The following POLR2F variants were observed in gnomAD, a reference collection of about 807,000 sequenced individuals.
POLR2F encodes RNA polymerase II, I and III subunit F, also known as DNA-directed RNA polymerases I, II, and III subunit RPABC2.
A neutral mutation model predicts 22.7 loss-of-function variants in POLR2F; 12 were observed. The ratio of observed to expected loss-of-function variants is 0.53; its 90% CI spans 0.34 to 0.86. The LOEUF (loss-of-function observed/expected upper bound fraction) is 0.86, where lower values mean the gene tolerates loss of function less well. POLR2F is among the 40% of genes least tolerant of loss of function. POLR2F has a pLI of 0.02. For synonymous variants in POLR2F, 57 were observed against 66.0 expected (o/e 0.86, Z 0.66); for missense variants, 126 against 171.5 (o/e 0.73, Z 1.48).
chr22:38,024,494 G>C lies in POLR2F; in HGVS notation c.121-1375G>C, dbSNP rs141596871. On this transcript the variant is annotated intron_variant, in intron 1 of 2. Transcript: ENST00000333418. ...AAGTTTTCCTTGGTTTTCGGTCTTA[G>C]GGATCACGGTTTTGTAAGCTACAGC... Among the ~76,000 whole-genome samples the C allele has an allele frequency of 1.2e-4, 19 of 152,228 alleles. 1 individual carries two copies. In the East Asian group the frequency reaches 3.7e-3, roughly 29 times the overall value.
chr22:37,982,545 C>T (rs1932432463), upstream of POLR2F, among the ~76,000 whole-genome samples: 1 of 152,114 alleles, frequency 6.6e-6, no homozygotes, highest in Admixed American at 6.5e-5. Context: ...TCTGAGGGCC[C>T]CTGGGCAGGA....
intron 1 of POLR2F, among the ~76,000 whole-genome samples, chr22:37,993,005 C>G (rs1932753347): frequency 6.6e-6 from 1 of 152,160 alleles, no homozygotes; most frequent in Non-Finnish European, 1.5e-5. Context: ...CTTGTTCATT[C>G]ATACATGTCT....
intron 4 of POLR2F, 52 bp downstream of exon 4, chr22:37,967,222 T>C: frequency 6.2e-7 from 1 of 1,602,966 alleles, no homozygotes; most frequent in Non-Finnish European, 8.5e-7. Context: ...GAGGCATCTG[T>C]TGGGCTCTCT....
At chr22:37,983,793 C>T (rs1237344324), upstream of POLR2F, 5 of 1,427,864 alleles carry the variant, frequency 3.5e-6, no homozygotes, top group Admixed American at 2.5e-5. The surrounding 1 kb of genome is among the most constrained non-coding windows in gnomAD (Gnocchi z 9.5). Context: ...ATGTCGCCCC[C>T]GGCCGCCGCC....
intron 4 of POLR2F, chr22:37,967,396 C>T: frequency 1.4e-6 from 2 of 1,436,068 alleles, no homozygotes. Flanking sequence ...TGGAATTTCC[C>T]TGTTCCTGCT....
chr22:37,990,693 G>A (rs1422941589), intron 1 of POLR2F, among the ~76,000 whole-genome samples: 1 of 152,260 alleles, frequency 6.6e-6, no homozygotes, highest in East Asian at 1.9e-4. Context: ...GACCCCAAGA[G>A]CTGGGGTCAA....
chr22:37,959,129 T>A (rs1931520873), intron 2 of POLR2F, among the ~76,000 whole-genome samples: 2 of 152,200 alleles, frequency 1.3e-5, no homozygotes, highest in Non-Finnish European at 2.9e-5. Context: ...TCAGGTTAGC[T>A]GACTTTCCAA....
At position 37,974,357 on chromosome 22, in the gene POLR2F, GTT is replaced by G. The variant is rs929834035; in HGVS notation, c.293+7198_293+7199del. 1.4e-5 allele frequency among the ~76,000 whole-genome samples: 2 copies of G among 141,776 alleles called. No individual in the cohort carries two copies. Among genetic ancestry groups the G allele is most frequent in the Admixed American group, 7.0e-5 (1 of 14,236 alleles). 93.0% of individuals were successfully genotyped at this position (141,776 alleles called of 152,430 possible). A position where few individuals can be genotyped will look rare whatever the true frequency, so the allele number is the denominator to read the frequency against. ...GGCAGCATGAGTCGGGTTTTTTTTT[GTT>G]TTTTTTTTTTGAGATGGAGTTTCGC... On this transcript the variant is annotated intron_variant, in intron 4 of 4. Transcript: ENST00000405557. The surrounding 1 kb of genome is among the most constrained non-coding windows in gnomAD (Gnocchi z 5.4).
chr22:37,957,342 G>T (rs1235277614), intron 2 of POLR2F, among the ~76,000 whole-genome samples: 4 of 152,192 alleles, frequency 2.6e-5, no homozygotes. Flanking sequence ...AGTGAAAGGT[G>T]AGAGGCCTGT....
chr22:38,035,268 C>G (rs1371190857), intron 5 of POLR2F, among the ~76,000 whole-genome samples: 4 of 152,188 alleles, frequency 2.6e-5, no homozygotes, highest in South Asian at 2.1e-4. Context: ...ACAACAGGCG[C>G]CTCCGAGGCC....
At chr22:37,956,656 A>G (rs1004695899) in intron 1 of POLR2F, 117 bp from the exon 2 acceptor site, 4 of 800,496 alleles carry the variant, frequency 5.0e-6, no homozygotes, top group Admixed American at 4.0e-5. Context: ...GCCTCAAGTG[A>G]TCCGCCCACT....
upstream of POLR2F, among the ~76,000 whole-genome samples, chr22:37,982,485 CG>C (rs938704029): frequency 6.6e-6 from 1 of 152,104 alleles, no homozygotes; most frequent in African/African-American, 2.4e-5. Context: ...TTGCTCCCTG[CG>C]GGGGATGTTT....
downstream of POLR2F, among the ~76,000 whole-genome samples, chr22:38,028,546 G>A (rs943643781): frequency 6.6e-6 from 1 of 151,940 alleles, no homozygotes; most frequent in Non-Finnish European, 1.5e-5. Context: ...GCATACGTGT[G>A]TGCATGTATG....
intron 1 of POLR2F, among the ~76,000 whole-genome samples, chr22:37,994,346 T>C (rs1188527815): frequency 6.6e-6 from 1 of 152,048 alleles, no homozygotes; most frequent in East Asian, 1.9e-4. Flanking sequence ...GCAGGTGTTA[T>C]TTTGTTTTGT....
At chr22:38,015,532 T>C (rs1329916905) in intron 1 of POLR2F, among the ~76,000 whole-genome samples, 1 of 152,186 alleles carries the variant, frequency 6.6e-6, no homozygotes, top group Non-Finnish European at 1.5e-5. Context: ...CAATCCCAGA[T>C]TTCTGCTTTT....
At position 37,953,771 on chromosome 22, in the gene POLR2F, G is replaced by T. The variant is rs773703785; in HGVS notation, c.-17G>T. On this transcript the variant is annotated 5_prime_UTR_variant, in exon 1 of 5. Coordinates refer to ENST00000442738, the MANE Select transcript of POLR2F (RefSeq NM_021974.5). ...CGCGGGACCGGGGCGCAGCGGGGTC[G>T]CTGAGGCGAGGGTGTCATGTCAGAC... 6.2e-7 allele frequency: 1 copy of T among 1,607,188 alleles called. No individual in the cohort carries two copies. The highest frequency in any genetic ancestry group is 8.5e-7 in the Non-Finnish European group (1 of 1,178,342).
chr22:38,035,029 C>T (rs1356059845), intron 5 of POLR2F, among the ~76,000 whole-genome samples: 3 of 152,044 alleles, frequency 2.0e-5, no homozygotes, highest in Non-Finnish European at 4.4e-5. Flanking sequence ...GCTCTCCCCA[C>T]ACCTCTTGGC....
At chr22:38,022,534 A>G (rs1328415850) in intron 1 of POLR2F, among the ~76,000 whole-genome samples, 1 of 149,174 alleles carries the variant, frequency 6.7e-6, no homozygotes, top group African/African-American at 2.5e-5. Flanking sequence ...CTGGGCAACA[A>G]GAGTGAAACG....
chr22:38,011,096 G>A (rs539301434), intron 1 of POLR2F, among the ~76,000 whole-genome samples: 23 of 151,666 alleles, frequency 1.5e-4, no homozygotes, highest in African/African-American at 5.3e-4. Context: ...AACATTTGGG[G>A]CTATGATCTG....
Sources: gnomAD v4.1 joint callset for allele counts (sites outside exome capture counted in the v4.1 genomes callset) on GRCh38, gnomAD v4.1.1 for gene constraint, Gnocchi (gnomAD v3.1) non-coding constraint, MANE v1.5 for transcripts, NCBI Gene and HGNC (gene_info 2026-07-23, HGNC 2026-07-21) for gene names.